LRBA: variants seen among roughly 807,000 people sequenced by gnomAD.
The protein encoded by LRBA is LPS responsive beige-like anchor protein, also known as lipopolysaccharide-responsive and beige-like anchor protein.
A neutral mutation model predicts 330.0 loss-of-function variants in LRBA; 176 were observed. The ratio of observed to expected loss-of-function variants is 0.53; its 90% confidence interval spans 0.47 to 0.60. The LOEUF (loss-of-function observed/expected upper bound fraction) is 0.60. Among genes scored for constraint, LRBA ranks in the 20% least tolerant of loss-of-function variants. The probability of loss-of-function intolerance (pLI) is 0.00; values close to 1 mark genes in which losing one functional copy is unlikely to be tolerated. For missense variants in LRBA, 3,259 were observed against 3,444.8 expected (o/e 0.95, Z 1.35); for synonymous variants, 1,230 against 1,193.0 (o/e 1.03, Z -0.64).
At chr4:150,888,270 A>C (rs574945858) in intron 17 of LRBA, among the ~76,000 whole-genome samples, 102 of 152,330 alleles carry the variant, frequency 6.7e-4, no homozygotes, top group African/African-American at 2.5e-3. Flanking sequence ...TTTCTGTCAA[A>C]ACTGCTCAAC....
In LRBA at chr4:150,858,289, TG is replaced by T. The variant is rs1375029683; in HGVS notation, c.2767-5347del. On this transcript the variant is annotated intron_variant, in intron 22 of 56. Coordinates refer to ENST00000651943, the MANE Select transcript of LRBA (RefSeq NM_001364905.1). ...AGAGGATCACTTGAGCCAAGGAGTATGAAGCTGTAGTGTGTTATATATAATG... is the reference window on the plus strand; with the variant it reads ...AGAGGATCACTTGAGCCAAGGAGTATAAGCTGTAGTGTGTTATATATAATG... 2.0e-5 allele frequency among the ~76,000 whole-genome samples: 3 copies of T among 152,092 alleles called. No homozygotes were observed. The East Asian group carries it at 5.8e-4, about 29-fold the overall frequency.
intron 47 of LRBA, among the ~76,000 whole-genome samples, chr4:150,381,055 T>C (rs1742188409): frequency 1.4e-5 from 2 of 142,432 alleles, no homozygotes; most frequent in Admixed American, 7.1e-5. Context: ...CCTTAGGAAA[T>C]AGTTCAACAA....
chr4:150,864,640 C>A (rs7698070), intron 22 of LRBA, among the ~76,000 whole-genome samples: 125,850 of 143,684 alleles, frequency 0.88, 55,704 homozygotes, highest in Middle Eastern at 0.95. Flanking sequence ...CATGGGCCCA[C>A]GTTCTTTTTT....
chr4:150,355,656 G>GT (rs1166752031), intron 47 of LRBA, among the ~76,000 whole-genome samples: 4 of 151,978 alleles, frequency 2.6e-5, no homozygotes, highest in Non-Finnish European at 5.9e-5. Flanking sequence ...TACCATAGCT[G>GT]TAAGTTTCAA....
intron 9 of LRBA, among the ~76,000 whole-genome samples, chr4:150,909,528 A>T (rs1731730310): frequency 6.6e-6 from 1 of 152,066 alleles, no homozygotes; most frequent in Non-Finnish European, 1.5e-5. Flanking sequence ...TTATCCATTC[A>T]TCTGCTACTG....
intron 2 of LRBA, among the ~76,000 whole-genome samples, chr4:150,939,864 T>C (rs2149525072): frequency 6.6e-6 from 1 of 152,286 alleles, no homozygotes; most frequent in South Asian, 2.1e-4. Flanking sequence ...ATATCACCTA[T>C]TGGGTACAAT....
rs111916716 is a variant in LRBA, at chr4:150,401,706, A to C, written c.7194+13732T>G. On this transcript the variant is annotated intron_variant, in intron 47 of 56. Transcript: ENST00000651943. ...AATTAGACGAAAGTATTACATCAAC[A>C]TAAGTTTATAAAATGGATAACTGTG... Among the ~76,000 whole-genome samples the C allele has an allele frequency of 8.5e-3, 1,298 of 152,306 alleles. 16 individuals carry two copies. Among genetic ancestry groups the C allele is most frequent in the African/African-American group, 0.03 (1,228 of 41,564 alleles).
In LRBA at chr4:150,848,807, TAGC is replaced by T. The variant is rs747732978; in HGVS notation, c.4339+8_4339+10del. The stretch of plus-strand genomic sequence containing the variant: ...TTTTTAGTAAATTCCCAACGGTTTT[TAGC>T]AGCTCACCTAGTCGGAGACACTGCC... On this transcript the variant is annotated splice_region_variant and intron_variant, in intron 26 of 56. Transcript: ENST00000651943. 9.6e-5 allele frequency: 151 copies of T among 1,578,440 alleles called. No homozygotes were observed. Among genetic ancestry groups the T allele is most frequent in the Non-Finnish European group, 1.3e-4 (147 of 1,166,800 alleles).
At chr4:150,548,286 G>C (rs1377942550) in intron 40 of LRBA, among the ~76,000 whole-genome samples, 2 of 151,958 alleles carry the variant, frequency 1.3e-5, no homozygotes, top group African/African-American at 2.4e-5. Flanking sequence ...TAGTACTTTT[G>C]TCTTCTGTCC....
intron 37 of LRBA, among the ~76,000 whole-genome samples, chr4:150,606,555 A>C (rs1774650206): frequency 6.6e-6 from 1 of 152,184 alleles, no homozygotes; most frequent in Non-Finnish European, 1.5e-5. Flanking sequence ...AATAGACTAT[A>C]TTACTTTAGG....
At chr4:150,691,901 T>C (rs959426521) in intron 36 of LRBA, among the ~76,000 whole-genome samples, 1 of 151,854 alleles carries the variant, frequency 6.6e-6, no homozygotes, top group Non-Finnish European at 1.5e-5. Flanking sequence ...TATCAAAAAG[T>C]TTATGCTGAC....
chr4:150,959,775 T>C (rs1737931999), intron 2 of LRBA, among the ~76,000 whole-genome samples: 1 of 145,416 alleles, frequency 6.9e-6, no homozygotes, highest in African/African-American at 2.6e-5. Context: ...AATATACTTA[T>C]TATATTATCT....
chr4:150,513,393 G>C (rs919867208), intron 40 of LRBA, among the ~76,000 whole-genome samples: 1 of 152,156 alleles, frequency 6.6e-6, no homozygotes, highest in Non-Finnish European at 1.5e-5. Flanking sequence ...AGATCTTACT[G>C]CCCATTGTAA....
At position 150,687,338 on chromosome 4, in the gene LRBA, G is replaced by C. The variant is rs146951930; in HGVS notation, c.5755-3621C>G. ...GTGTATGTATGTATACCTGTATTTG[G>C]AGGTTGAGTGGAGGTACAAGAGACC... is the stretch of plus-strand genomic sequence containing the variant. On this transcript the variant is annotated intron_variant, in intron 36 of 56. Coordinates refer to ENST00000651943, the MANE Select transcript of LRBA (RefSeq NM_001364905.1). 2.0e-3 allele frequency among the ~76,000 whole-genome samples: 299 copies of C among 151,974 alleles called. 2 individuals are homozygous for C. Among genetic ancestry groups the C allele is most frequent in the African/African-American group, 7.0e-3 (291 of 41,482 alleles).
chr4:151,013,761 C>CT (rs1195348583), intron 2 of LRBA: 1 of 141,800 alleles, frequency 7.1e-6, no homozygotes, highest in Admixed American at 7.7e-5. Context: ...CTTCCAATGA[C>CT]TAACTATGCT....
intron 2 of LRBA, among the ~76,000 whole-genome samples, chr4:151,008,744 G>A (rs1744421005): frequency 6.6e-6 from 1 of 151,512 alleles, no homozygotes; most frequent in Non-Finnish European, 1.5e-5. Flanking sequence ...GGAGGCTGAG[G>A]CAGGCGGATC....
intron 41 of LRBA, among the ~76,000 whole-genome samples, chr4:150,489,520 T>C (rs1758570963): frequency 9.6e-6 from 1 of 103,756 alleles, no homozygotes; most frequent in Non-Finnish European, 1.7e-5. Flanking sequence ...ATATAATATA[T>C]AAGAATACAT....
chr4:150,829,818 A>G (rs1746889135), intron 29 of LRBA, among the ~76,000 whole-genome samples: 1 of 38,060 alleles, frequency 2.6e-5, no homozygotes, highest in Non-Finnish European at 1.0e-4. Context: ...AACTTATCTT[A>G]CATGTCTAAA....
intron 17 of LRBA, among the ~76,000 whole-genome samples, chr4:150,875,060 C>T (rs1439057512): frequency 2.0e-5 from 3 of 152,108 alleles, no homozygotes; most frequent in African/African-American, 7.2e-5. Context: ...GGGAACCTCT[C>T]TGCTCCATGG....
Sources: allele counts gnomAD v4.1 joint callset (sites outside exome capture counted in the v4.1 genomes callset), GRCh38; gene constraint gnomAD v4.1.1; transcripts MANE v1.5; gene names NCBI Gene and HGNC (gene_info 2026-07-23, HGNC 2026-07-21).